Variants in ACADS observed in about 807,000 individuals in gnomAD.
ACADS encodes acyl-CoA dehydrogenase short chain.
ACADS carries 28 observed loss-of-function variants against 46.8 expected under a neutral mutation model. The observed-to-expected ratio is 0.60, with a 90% CI of 0.44 to 0.82. The LOEUF is 0.82. Among genes scored for constraint, ACADS ranks in the 40% least tolerant of loss-of-function variants. ACADS has a pLI of 0.00. For missense variants in ACADS, 528 were observed against 578.0 expected (o/e 0.91, Z 0.89); for synonymous variants, 236 against 237.7 (o/e 0.99, Z 0.07).
intron 2 of ACADS, among the ~76,000 whole-genome samples, chr12:120,732,816 G>A (rs972033144): frequency 6.6e-6 from 1 of 152,240 alleles, no homozygotes; most frequent in African/African-American, 2.4e-5. Context: ...TTCCCAGACG[G>A]GGTGGCGGCC....
At chr12:120,738,174 G>A (rs761640172) in intron 5 of ACADS, 106 bp from the exon 6 acceptor site, 1 of 1,587,288 alleles carries the variant, frequency 6.3e-7, no homozygotes, top group Non-Finnish European at 8.6e-7. Flanking sequence ...GTCAAGGCCT[G>A]AGCTTCTGAG....
chr12:120,732,297 G>C (rs1447909451), intron 2 of ACADS, among the ~76,000 whole-genome samples: 1 of 150,004 alleles, frequency 6.7e-6, no homozygotes, highest in African/African-American at 2.5e-5. Context: ...CGGGGCGGCT[G>C]GCCGGGCGGG....
In ACADS at chr12:120,738,260, C is replaced by T; in HGVS notation, c.625-20C>T. The T allele has an allele frequency of 4.3e-6, 7 of 1,613,928 alleles. No homozygotes were observed. Among genetic ancestry groups the T allele is most frequent in the Non-Finnish European group, 5.9e-6 (7 of 1,179,998 alleles). ...TGGCTGAGGGGCAGCTCTGAGAAAA[C>T]CACCCGCCTCTCCTTTCAGGGCATC... On this transcript the variant is annotated intron_variant, in intron 5 of 9. Transcript: ENST00000242592.
chr12:120,736,980 GC>G lies in ACADS; in HGVS notation c.211-3del. 1 of 1,603,894 alleles carries G rather than the reference GC, an allele frequency of 6.2e-7. No homozygotes were observed. On this transcript the variant is annotated splice_polypyrimidine_tract_variant and splice_region_variant and intron_variant, in intron 2 of 9. Coordinates refer to ENST00000242592, the MANE Select transcript of ACADS (RefSeq NM_000017.4). ...CCCATGGCGTGCCGTCCTTCCCTGTGCCCAGGTGAAGAAGATGGGCGGGCTT... is the reference window on the plus strand; with the variant it reads ...CCCATGGCGTGCCGTCCTTCCCTGTGCCAGGTGAAGAAGATGGGCGGGCTT...
chr12:120,729,070 G>A (rs995725148), intron 2 of ACADS, among the ~76,000 whole-genome samples: 6 of 152,104 alleles, frequency 3.9e-5, no homozygotes, highest in Admixed American at 6.6e-5. Context: ...CCATTGCAGG[G>A]GGCTCTAGGA....
chr12:120,738,115 C>T, intron 5 of ACADS, 127 bp downstream of exon 5: 1 of 1,568,888 alleles, frequency 6.4e-7, no homozygotes, highest in Non-Finnish European at 8.6e-7. Context: ...CCCTGTCCCT[C>T]CTCAGCTGCC....
At chr12:120,736,941 G>T in intron 2 of ACADS, 45 bp from the exon 3 acceptor site, 2 of 1,543,992 alleles carry the variant, frequency 1.3e-6, no homozygotes, top group Non-Finnish European at 8.7e-7. Flanking sequence ...GGGTGGGCTC[G>T]CCCCCGGCAG....
intron 2 of ACADS, among the ~76,000 whole-genome samples, chr12:120,727,448 T>G (rs921582098): frequency 6.6e-6 from 1 of 152,252 alleles, no homozygotes; most frequent in African/African-American, 2.4e-5. Flanking sequence ...AAATAGTGCC[T>G]TTAGGGTGTT....
chr12:120,731,947 G>C (rs996678997), intron 2 of ACADS, among the ~76,000 whole-genome samples: 4 of 152,206 alleles, frequency 2.6e-5, no homozygotes, highest in African/African-American at 4.8e-5. Context: ...AGAGCACAGG[G>C]TTGGGGGTAA....
rs544026463 is a variant in ACADS, at chr12:120,728,680, G to A, written c.210+1491G>A. Among the ~76,000 whole-genome samples the A allele has an allele frequency of 1.3e-5, 2 of 151,364 alleles. No homozygotes were observed. Among genetic ancestry groups the A allele is most frequent in the East Asian group, 3.9e-4 (2 of 5,088 alleles). ...CACCACCATACCCGGCTAATTTTAT[G>A]TATTTTAGTAGAGACGGGGTTTCAC... On this transcript the variant is annotated intron_variant, in intron 2 of 9. Transcript: ENST00000242592. This position sits in a 1 kb window ranked among gnomAD's most constrained non-coding sequence, Gnocchi z 4.0.
In ACADS at chr12:120,727,192, G is replaced by A; in HGVS notation, c.210+3G>A. Reference sequence around the variant, plus strand: ...AACATCTCTTCCCAGCGGCTCAGGTGAGAGTGCAACCTCAGCAGCCCACGA... The same window carrying A: ...AACATCTCTTCCCAGCGGCTCAGGTAAGAGTGCAACCTCAGCAGCCCACGA... On this transcript the variant is annotated splice_donor_region_variant and intron_variant, in intron 2 of 9. Coordinates refer to ENST00000242592, the MANE Select transcript of ACADS (RefSeq NM_000017.4). 2 of 1,614,210 alleles carry A rather than the reference G, an allele frequency of 1.2e-6. No individual in the cohort carries two copies. Among genetic ancestry groups the A allele is most frequent in the Non-Finnish European group, 1.7e-6 (2 of 1,180,036 alleles).
chr12:120,733,321 G>A (rs1051802958), intron 2 of ACADS, among the ~76,000 whole-genome samples: 12 of 151,950 alleles, frequency 7.9e-5, no homozygotes, highest in Admixed American at 3.9e-4. Context: ...GGCTGGTCTC[G>A]AACTCCTGAC....
chr12:120,738,722 G>T, intron 7 of ACADS, 52 bp downstream of exon 7: 1 of 1,609,290 alleles, frequency 6.2e-7, no homozygotes, highest in Non-Finnish European at 8.5e-7. Context: ...AGCGGGCGGA[G>T]AGTGTGGCCT....
chr12:120,739,527 G>A lies in ACADS; in HGVS notation c.*79G>A, dbSNP rs900872014. Reference sequence around the variant, plus strand: ...CACCCCAACCCCGGCTCAGAGACTGGGCGGCCCGGCGGGGGCTCCCTGGGG... The same window carrying A: ...CACCCCAACCCCGGCTCAGAGACTGAGCGGCCCGGCGGGGGCTCCCTGGGG... On this transcript the variant is annotated 3_prime_UTR_variant, in exon 10 of 10. Transcript: ENST00000242592. 5 of 1,538,400 alleles carry A rather than the reference G, an allele frequency of 3.3e-6. No homozygotes were observed. The highest frequency in any genetic ancestry group is 4.4e-6 in the Non-Finnish European group (5 of 1,143,998).
chr12:120,736,951 G>A, intron 2 of ACADS, 35 bp from the exon 3 acceptor site: 1 of 1,566,140 alleles, frequency 6.4e-7, no homozygotes, highest in Non-Finnish European at 8.7e-7. Context: ...GCCCCCGGCA[G>A]CTGCCCATGG....
rs1314775693 is a variant in ACADS, at chr12:120,739,150, T to TG, written c.1042dup (p.Ala348GlyfsTer42). 1.2e-6 allele frequency: 2 copies of TG among 1,612,942 alleles called. No individual in the cohort carries two copies. Among genetic ancestry groups the TG allele is most frequent in the Non-Finnish European group, 1.7e-6 (2 of 1,180,010 alleles). The stretch of plus-strand genomic sequence containing the variant: ...TACCCCCATGTTTAGGAGGCAGCCA[T>TG]GGCCAAGCTGGCCGCCTCGGAGGCC... On this transcript the variant is annotated frameshift_variant, in exon 9 of 10. Transcript: ENST00000242592. LOFTEE classifies it high-confidence loss of function.
intron 2 of ACADS, among the ~76,000 whole-genome samples, chr12:120,735,348 T>TAAAAAA (rs756263687): frequency 1.4e-5 from 1 of 72,242 alleles, no homozygotes; most frequent in Admixed American, 1.8e-4. Context: ...GCGCAGTCCT[T>TAAAAAA]AAAAAAAAAA....
At chr12:120,739,064 C>T in intron 8 of ACADS, 76 bp from the exon 9 acceptor site, 22 of 1,607,144 alleles carry the variant, frequency 1.4e-5, no homozygotes, top group Non-Finnish European at 1.8e-5. Flanking sequence ...ACAGGCCTCC[C>T]CTGCTGAGGG....
chr12:120,731,441 TC>T (rs1385036585), intron 2 of ACADS, among the ~76,000 whole-genome samples: 1 of 147,046 alleles, frequency 6.8e-6, no homozygotes, highest in Non-Finnish European at 1.5e-5. Flanking sequence ...GCAGAGGTGT[TC>T]CTTAATAAAA....
Sources: allele counts gnomAD v4.1 joint callset (sites outside exome capture counted in the v4.1 genomes callset), GRCh38; gene constraint gnomAD v4.1.1; non-coding constraint Gnocchi (gnomAD v3.1); transcripts MANE v1.5; gene names NCBI Gene and HGNC (gene_info 2026-07-23, HGNC 2026-07-21).